Variants in AADAT observed in about 807,000 individuals in gnomAD.
The protein encoded by AADAT is kynurenine/alpha-aminoadipate aminotransferase, mitochondrial.
AADAT carries 25 observed loss-of-function variants against 56.2 expected under a neutral mutation model. The ratio of observed to expected loss-of-function variants is 0.44; its 90% CI spans 0.32 to 0.62. AADAT has a LOEUF of 0.62. Ranked by LOEUF, AADAT falls within the 20% of genes least tolerant of loss-of-function variation. The pLI is 0.04. For missense variants in AADAT, 387 were observed against 510.5 expected (o/e 0.76, Z 2.33); for synonymous variants, 173 against 164.7 (o/e 1.05, Z -0.39).
intron 3 of AADAT, among the ~76,000 whole-genome samples, chr4:170,085,290 G>A (rs779566944): frequency 2.0e-4 from 31 of 152,078 alleles, no homozygotes; most frequent in Non-Finnish European, 3.4e-4. Flanking sequence ...AAACCCCTGC[G>A]TTGTTCAAGG....
chr4:170,087,045 A>C, intron 3 of AADAT, 71 bp downstream of exon 3: 1 of 1,550,562 alleles, frequency 6.4e-7, no homozygotes, highest in Non-Finnish European at 8.8e-7. Flanking sequence ...CTCTGTGGTT[A>C]AGTGCGAGAG....
intron 5 of AADAT, among the ~76,000 whole-genome samples, chr4:170,072,114 T>C (rs1197425305): frequency 3.9e-5 from 6 of 151,948 alleles, no homozygotes; most frequent in East Asian, 3.9e-4. Flanking sequence ...CGTAATGGAA[T>C]AGACAGCTAC....
intron 4 of AADAT, among the ~76,000 whole-genome samples, chr4:170,078,114 A>G (rs1372191710): frequency 6.6e-6 from 1 of 152,222 alleles, no homozygotes; most frequent in Non-Finnish European, 1.5e-5. Context: ...ATTATACCAT[A>G]TAAGTATACT....
At chr4:170,063,122 G>A (rs1025016947) in intron 11 of AADAT, among the ~76,000 whole-genome samples, 1 of 152,144 alleles carries the variant, frequency 6.6e-6, no homozygotes, top group African/African-American at 2.4e-5. Context: ...AGATTTCAAG[G>A]CAGAAGATGG....
At chr4:170,066,180 CT>C (rs958933929) in intron 10 of AADAT, among the ~76,000 whole-genome samples, 59 of 145,416 alleles carry the variant, frequency 4.1e-4, no homozygotes, top group East Asian at 1.2e-3. Context: ...ATTTTTAGAT[CT>C]TTTTTTTTTT....
At chr4:170,080,514 G>A (rs571653936) in intron 3 of AADAT, among the ~76,000 whole-genome samples, 13 of 152,250 alleles carry the variant, frequency 8.5e-5, no homozygotes, top group African/African-American at 2.9e-4. Flanking sequence ...AAATCGGGAG[G>A]CAGGACTACC....
chr4:170,084,384 AATGG>A (rs1477780798), intron 3 of AADAT, among the ~76,000 whole-genome samples: 1 of 152,204 alleles, frequency 6.6e-6, no homozygotes, highest in African/African-American at 2.4e-5. Context: ...TTTAAAATAA[AATGG>A]ATGGGGAGAT....
intron 11 of AADAT, among the ~76,000 whole-genome samples, chr4:170,063,550 T>C (rs1199452399): frequency 1.3e-5 from 2 of 152,248 alleles, no homozygotes; most frequent in African/African-American, 4.8e-5. Context: ...TACTATGTGC[T>C]GTGATTAGGG....
At chr4:170,088,605 A>G (rs758681551) in intron 1 of AADAT, 41 bp from the exon 2 acceptor site, 1 of 1,579,604 alleles carries the variant, frequency 6.3e-7, no homozygotes, top group Admixed American at 1.7e-5. Context: ...TTCATTGAAG[A>G]TTGTTATAAG....
chr4:170,071,916 G>C (rs1457374890), intron 5 of AADAT, among the ~76,000 whole-genome samples: 2 of 152,176 alleles, frequency 1.3e-5, no homozygotes, highest in African/African-American at 4.8e-5. Context: ...TATGGAGATG[G>C]AGAATGTGAG....
At chr4:170,079,002 C>T (rs1261367682) in intron 3 of AADAT, among the ~76,000 whole-genome samples, 1 of 152,124 alleles carries the variant, frequency 6.6e-6, no homozygotes, top group East Asian at 1.9e-4. Flanking sequence ...ATACGCCAGG[C>T]CTGTGTAAAG....
chr4:170,075,765 C>T (rs1247029313), intron 4 of AADAT, among the ~76,000 whole-genome samples: 1 of 152,200 alleles, frequency 6.6e-6, no homozygotes. Context: ...CTCTCCCCAG[C>T]CCCTGGTAAC....
chr4:170,073,341 T>A lies in AADAT; in HGVS notation c.449A>T (p.His150Leu). The part of the protein sequence containing the change: ...PAYSGTLQSL[H>L]PLGCNIINVA... ...ATTAATAATGTTGCAGCCCAGTGGG[T>A]GCAGCTGTTGAGCACAAAAGAAAGC... Residue 150 changes from histidine to leucine, a missense_variant, in exon 5 of 13, where the codon CAC (histidine) becomes CTC (leucine). By Grantham distance (99) the His-to-Leu change is moderately conservative. Coordinates refer to ENST00000337664, the MANE Select transcript of AADAT (RefSeq NM_016228.4). The A allele has an allele frequency of 6.2e-7, 1 of 1,613,278 alleles. No homozygotes were observed. Among genetic ancestry groups the A allele is most frequent in the Non-Finnish European group, 8.5e-7 (1 of 1,179,766 alleles).
chr4:170,088,172 T>C (rs1732652109), intron 2 of AADAT, among the ~76,000 whole-genome samples: 1 of 151,928 alleles, frequency 6.6e-6, no homozygotes, highest in Non-Finnish European at 1.5e-5. Flanking sequence ...CTGTTCTTAA[T>C]TATCCTTTGA....
intron 7 of AADAT, 72 bp downstream of exon 7, chr4:170,069,076 G>T (rs992327972): frequency 1.1e-5 from 14 of 1,331,218 alleles, no homozygotes; most frequent in Non-Finnish European, 1.5e-5. Flanking sequence ...AAATTGTCTA[G>T]ACTAAAAGAT....
chr4:170,085,407 TGAGA>T (rs1337259454), intron 3 of AADAT, among the ~76,000 whole-genome samples: 1 of 152,146 alleles, frequency 6.6e-6, no homozygotes, highest in African/African-American at 2.4e-5. Flanking sequence ...GTTTAAAAGA[TGAGA>T]GAGAAACACA....
At chr4:170,078,887 C>A (rs573667355) in intron 3 of AADAT, among the ~76,000 whole-genome samples, 1 of 152,252 alleles carries the variant, frequency 6.6e-6, no homozygotes, top group Non-Finnish European at 1.5e-5. Context: ...GCTCTCAAAC[C>A]ATAGTTTGCC....
At chr4:170,083,462 A>C (rs999676884) in intron 3 of AADAT, among the ~76,000 whole-genome samples, 6 of 152,244 alleles carry the variant, frequency 3.9e-5, no homozygotes, top group Non-Finnish European at 7.4e-5. Flanking sequence ...CTAATAATGC[A>C]CTTCAAGGAA....
At chr4:170,081,140 A>T (rs923524811) in intron 3 of AADAT, among the ~76,000 whole-genome samples, 1 of 152,232 alleles carries the variant, frequency 6.6e-6, no homozygotes, top group Non-Finnish European at 1.5e-5. Flanking sequence ...GAAATTTTGG[A>T]ACTGAGAAAT....
Sources: gnomAD v4.1 joint callset for allele counts (sites outside exome capture counted in the v4.1 genomes callset) on GRCh38, gnomAD v4.1.1 for gene constraint, MANE v1.5 for transcripts, NCBI Gene and HGNC (gene_info 2026-07-23, HGNC 2026-07-21) for gene names.